RALGPS1: variants seen among roughly 807,000 people sequenced by gnomAD.
RALGPS1 encodes the protein ras-specific guanine nucleotide-releasing factor RalGPS1.
A neutral mutation model predicts 78.8 loss-of-function variants in RALGPS1; 19 were observed. The observed-to-expected ratio is 0.24, with a 90% CI of 0.17 to 0.35. The LOEUF is 0.35. Among genes scored for constraint, RALGPS1 ranks in the 10% least tolerant of loss-of-function variants. RALGPS1 has a pLI of 1.00. For missense variants in RALGPS1, 454 were observed against 688.3 expected, an observed-to-expected ratio of 0.66 and a Z score of 3.81; for synonymous variants, 228 against 256.3, an observed-to-expected ratio of 0.89 and a Z score of 1.06.
chr9:127,028,743 C>T (rs569506759), intron 4 of RALGPS1, among the ~76,000 whole-genome samples: 3 of 152,300 alleles, frequency 2.0e-5, no homozygotes, highest in African/African-American at 7.2e-5. Context: ...TTGCAAATAT[C>T]GGCCCATTCA....
In RALGPS1 at chr9:126,967,224, C is replaced by G. The variant is rs542519828; in HGVS notation, c.165+1273C>G. Among the ~76,000 whole-genome samples, 3 of 152,258 alleles carry G rather than the reference C, an allele frequency of 2.0e-5. No individual in the cohort carries two copies. In the East Asian group the frequency reaches 5.8e-4, roughly 29 times the overall value. ...AAAACCTTCAAACTCTCTAGTGGCT[C>G]CCTCCTACTAGAATGAGACCCAGAG... is the stretch of plus-strand genomic sequence containing the variant. On this transcript the variant is annotated intron_variant, in intron 3 of 18. Transcript: ENST00000259351.
chr9:126,918,332 A>G (rs2034389075), intron 1 of RALGPS1, among the ~76,000 whole-genome samples: 1 of 152,172 alleles, frequency 6.6e-6, no homozygotes, highest in South Asian at 2.1e-4. Context: ...GTTTCTTTGA[A>G]TATCGTTTAA....
At chr9:127,217,189 C>A (rs1688351254) in intron 18 of RALGPS1, 1 of 1,235,022 alleles carries the variant, frequency 8.1e-7, no homozygotes, top group Non-Finnish European at 1.0e-6. Context: ...TGTAGCATGG[C>A]AAGGCTACAA....
Position 127,091,893 on chromosome 9 carries a change from G to A in RALGPS1, c.610+22537G>A. The A allele has an allele frequency of 5.0e-6, 8 of 1,614,146 alleles. No homozygotes were observed. Among genetic ancestry groups the A allele is most frequent in the East Asian group, 2.2e-5 (1 of 44,864 alleles). On this transcript the variant is annotated intron_variant, in intron 8 of 18. Coordinates refer to ENST00000259351, the MANE Select transcript of RALGPS1 (RefSeq NM_014636.3). This position sits in a 1 kb window ranked among gnomAD's most constrained non-coding sequence, Gnocchi z 4.3. ...TGCCTTGGTTCGTCAGCCAGTAAATGTTCTCCAGGCCCAGCCAGTATTCGC... is the reference window on the plus strand; with the variant it reads ...TGCCTTGGTTCGTCAGCCAGTAAATATTCTCCAGGCCCAGCCAGTATTCGC...
At chr9:126,998,793 A>G (rs551921564) in intron 4 of RALGPS1, among the ~76,000 whole-genome samples, 165 of 152,076 alleles carry the variant, frequency 1.1e-3, no homozygotes, top group African/African-American at 3.9e-3. Flanking sequence ...GATAGACTGG[A>G]TTAAGAAAAT....
intron 8 of RALGPS1, among the ~76,000 whole-genome samples, chr9:127,155,848 C>CA (rs1288383685): frequency 6.7e-6 from 1 of 149,878 alleles, no homozygotes; most frequent in Non-Finnish European, 1.5e-5. Context: ...TTCTCCCTGC[C>CA]AAAAAAGTGT....
At chr9:127,208,255 C>G (rs2062039812) in intron 14 of RALGPS1, among the ~76,000 whole-genome samples, 1 of 152,232 alleles carries the variant, frequency 6.6e-6, no homozygotes, top group Non-Finnish European at 1.5e-5. Context: ...GTCATTCGGT[C>G]TCAGACACTG....
rs551487947 is a variant in RALGPS1, at chr9:127,195,107, C to T, written c.927C>T (p.Ser309=). 49 of 1,613,310 alleles carry T rather than the reference C, an allele frequency of 3.0e-5. No individual in the cohort carries two copies. Among genetic ancestry groups the T allele is most frequent in the Admixed American group, 1.5e-4 (9 of 60,006 alleles). The part of the protein sequence containing the change: ...KEDLAGPSAG[S]GSARFSRRPT... Reference sequence around the variant, plus strand: ...TGTTTGCAGGTCCCTCTGCTGGCTCCGGTTCTGCGAGGTTCAGCCGGAGGC... The same window carrying T: ...TGTTTGCAGGTCCCTCTGCTGGCTCTGGTTCTGCGAGGTTCAGCCGGAGGC... The change falls in exon 12 of 19, where the codon TCC becomes TCT. Residue 309 remains serine, a synonymous_variant. Coordinates refer to ENST00000259351, the MANE Select transcript of RALGPS1 (RefSeq NM_014636.3).
chr9:126,920,200 ATAC>A (rs763070707), intron 1 of RALGPS1, among the ~76,000 whole-genome samples: 1 of 152,112 alleles, frequency 6.6e-6, no homozygotes, highest in Non-Finnish European at 1.5e-5. Flanking sequence ...TAGACAAATC[ATAC>A]TACTAAGTGG....
At chr9:127,204,308 G>A (rs573712320) in intron 14 of RALGPS1, among the ~76,000 whole-genome samples, 1 of 151,686 alleles carries the variant, frequency 6.6e-6, no homozygotes, top group Non-Finnish European at 1.5e-5. Context: ...CTGGGTACAG[G>A]TACACGCCAC....
chr9:127,206,943 C>T (rs1191455322), intron 14 of RALGPS1, among the ~76,000 whole-genome samples: 2 of 152,128 alleles, frequency 1.3e-5, no homozygotes, highest in Non-Finnish European at 2.9e-5. Flanking sequence ...GTGTCGTGAT[C>T]TTGGGCAAGT....
intron 8 of RALGPS1, chr9:127,107,864 C>G: frequency 6.7e-7 from 1 of 1,497,520 alleles, no homozygotes; most frequent in Non-Finnish European, 8.9e-7. Context: ...CAAGGGAAGC[C>G]TGGTGCCTGG....
chr9:127,081,999 G>A (rs2051222872), intron 8 of RALGPS1, among the ~76,000 whole-genome samples: 1 of 152,206 alleles, frequency 6.6e-6, no homozygotes, highest in Non-Finnish European at 1.5e-5. Context: ...AGGGATGGCT[G>A]GTATTGAAAC....
chr9:127,163,975 A>G (rs2059156771), intron 8 of RALGPS1, among the ~76,000 whole-genome samples: 1 of 152,160 alleles, frequency 6.6e-6, no homozygotes. Context: ...ATTGTCTTCA[A>G]ATAGATTCTT....
At chr9:127,089,087 T>C (rs1005556992) in intron 8 of RALGPS1, 3 of 1,613,830 alleles carry the variant, frequency 1.9e-6, no homozygotes, top group Non-Finnish European at 2.5e-6. Context: ...GAGGTTGGAG[T>C]GGGCACAGGC....
chr9:127,191,819 T>C (rs1224991933), intron 11 of RALGPS1, among the ~76,000 whole-genome samples: 1 of 149,376 alleles, frequency 6.7e-6, no homozygotes, highest in Non-Finnish European at 1.5e-5. Context: ...TGCCTCAGCC[T>C]CCCGAGTAGC....
chr9:127,140,461 C>T (rs1235167653), intron 8 of RALGPS1, among the ~76,000 whole-genome samples: 1 of 152,224 alleles, frequency 6.6e-6, no homozygotes, highest in Non-Finnish European at 1.5e-5. Flanking sequence ...GCACTTGAGA[C>T]AGTGCCTTGG....
intron 3 of RALGPS1, among the ~76,000 whole-genome samples, chr9:126,970,663 GA>G (rs1326438947): frequency 4.6e-5 from 7 of 152,110 alleles, no homozygotes; most frequent in Admixed American, 2.0e-4. Context: ...GAAATCTCAA[GA>G]AATAGTGGCT....
chr9:127,048,136 T>C (rs2047978482), intron 5 of RALGPS1, among the ~76,000 whole-genome samples: 1 of 152,134 alleles, frequency 6.6e-6, no homozygotes, highest in African/African-American at 2.4e-5. Context: ...CCTCTCACCT[T>C]GTTGCACCAG....
Sources: gnomAD v4.1 joint callset for allele counts (sites outside exome capture counted in the v4.1 genomes callset) on GRCh38, gnomAD v4.1.1 for gene constraint, Gnocchi (gnomAD v3.1) non-coding constraint, MANE v1.5 for transcripts, NCBI Gene and HGNC (gene_info 2026-07-23, HGNC 2026-07-21) for gene names.